Variants in TRPS1 observed in about 807,000 individuals in gnomAD.
TRPS1 encodes the protein zinc finger transcription factor Trps1.
A neutral mutation model predicts 101.2 loss-of-function variants in TRPS1; 6 were observed. The ratio of observed to expected loss-of-function variants is 0.06; its 90% CI spans 0.03 to 0.12. TRPS1 has a LOEUF of 0.12. TRPS1 is among the 10% of genes least tolerant of loss of function. The pLI is 1.00. For missense variants in TRPS1, 1,363 were observed against 1,567.0 expected (o/e 0.87, Z 2.20); for synonymous variants, 578 against 589.8 (o/e 0.98, Z 0.29).
At chr8:115,510,656 C>T (rs1272084162) in intron 5 of TRPS1, among the ~76,000 whole-genome samples, 3 of 151,856 alleles carry the variant, frequency 2.0e-5, no homozygotes, top group Non-Finnish European at 2.9e-5. Context: ...CTTGGCTTTT[C>T]CCAATGTATT....
At chr8:115,516,779 A>G (rs1235295797) in intron 5 of TRPS1, among the ~76,000 whole-genome samples, 3 of 151,532 alleles carry the variant, frequency 2.0e-5, no homozygotes, top group Admixed American at 1.3e-4. Context: ...GTATGAATAA[A>G]GTCTCTTGAG....
intron 5 of TRPS1, among the ~76,000 whole-genome samples, chr8:115,522,706 C>T (rs775676284): frequency 6.6e-6 from 1 of 152,034 alleles, no homozygotes; most frequent in African/African-American, 2.4e-5. Flanking sequence ...TTTGCCACTA[C>T]ATATTATGTT....
chr8:115,583,459 T>C (rs1261359150), intron 5 of TRPS1, among the ~76,000 whole-genome samples: 1 of 152,134 alleles, frequency 6.6e-6, no homozygotes, highest in East Asian at 1.9e-4. Flanking sequence ...ACACTGGGTT[T>C]TCAAAATATT....
intron 5 of TRPS1, among the ~76,000 whole-genome samples, chr8:115,495,440 A>C (rs1815125556): frequency 6.6e-6 from 1 of 150,854 alleles, no homozygotes. Flanking sequence ...GAGAAGCCAA[A>C]TTATGGCAGA....
At chr8:115,524,962 T>C (rs918186596) in intron 5 of TRPS1, among the ~76,000 whole-genome samples, 1 of 152,204 alleles carries the variant, frequency 6.6e-6, no homozygotes, top group African/African-American at 2.4e-5. Flanking sequence ...TGGCTGCTAA[T>C]GAAGGAGTCA....
At chr8:115,489,102 C>T (rs1443109278) in intron 5 of TRPS1, among the ~76,000 whole-genome samples, 1 of 152,288 alleles carries the variant, frequency 6.6e-6, no homozygotes, top group Non-Finnish European at 1.5e-5. Flanking sequence ...CCTCCACATC[C>T]TGCCCCCATT....
intron 5 of TRPS1, among the ~76,000 whole-genome samples, chr8:115,461,708 C>T (rs1814184205): frequency 6.6e-6 from 1 of 152,100 alleles, no homozygotes; most frequent in African/African-American, 2.4e-5. Context: ...ATGAAGTTTT[C>T]TTTCTGAGTT....
intron 5 of TRPS1, among the ~76,000 whole-genome samples, chr8:115,465,946 C>G (rs1461329206): frequency 6.6e-6 from 1 of 152,086 alleles, no homozygotes. Context: ...TAGAGATTCA[C>G]TGCTTGTCAA....
Position 115,619,561 on chromosome 8 carries a change from T to C in TRPS1, c.537A>G (p.Gln179=). Residue 179 remains glutamine (Q), a synonymous_variant, in exon 3 of 7, where the codon CAA becomes CAG. Transcript: ENST00000395715. The part of the protein sequence containing the change: ...MSPKATEETG[Q]AQSGQANCQG... ...GACAATTGGCTTGACCACTCTGTGC[T>C]TGCCCTGTTTCCTCTGTAGCCTTTG... 2 of 1,614,196 alleles carry C rather than the reference T, an allele frequency of 1.2e-6. No homozygotes were observed. Among genetic ancestry groups the C allele is most frequent in the Non-Finnish European group, 1.7e-6 (2 of 1,180,020 alleles).
At chr8:115,541,505 T>C (rs1816453433) in intron 5 of TRPS1, among the ~76,000 whole-genome samples, 1 of 152,214 alleles carries the variant, frequency 6.6e-6, no homozygotes, top group Non-Finnish European at 1.5e-5. Flanking sequence ...ACTTCCAAAC[T>C]TATATCCATA....
chr8:115,575,048 G>A (rs527340812), intron 5 of TRPS1, among the ~76,000 whole-genome samples: 2 of 152,210 alleles, frequency 1.3e-5, no homozygotes, highest in African/African-American at 4.8e-5. Flanking sequence ...AGTGACCTAT[G>A]CTTGCCAATA....
chr8:115,574,430 C>T (rs960056653), intron 5 of TRPS1, among the ~76,000 whole-genome samples: 2 of 152,042 alleles, frequency 1.3e-5, no homozygotes, highest in African/African-American at 4.8e-5. Flanking sequence ...TCATGAACTA[C>T]CAAATATAAT....
chr8:115,564,947 A>G (rs1272377998), intron 5 of TRPS1, among the ~76,000 whole-genome samples: 1 of 152,138 alleles, frequency 6.6e-6, no homozygotes, highest in Non-Finnish European at 1.5e-5. Context: ...GTCATTAAAA[A>G]GCCAAACACG....
intron 5 of TRPS1, among the ~76,000 whole-genome samples, chr8:115,488,178 T>C (rs1814933518): frequency 2.6e-5 from 4 of 152,178 alleles, no homozygotes; most frequent in African/African-American, 9.7e-5. Flanking sequence ...CAATAAACAT[T>C]TTTAGCAATA....
intron 5 of TRPS1, among the ~76,000 whole-genome samples, chr8:115,580,245 A>AATAT (rs1554591593): frequency 0.021 from 2,972 of 139,766 alleles, 88 homozygotes; most frequent in African/African-American, 0.053. Flanking sequence ...AAAAAAAAAA[A>AATAT]ATATATATAT....
intron 1 of TRPS1, among the ~76,000 whole-genome samples, chr8:115,641,875 G>A (rs1031333006): frequency 9.4e-5 from 14 of 149,010 alleles, no homozygotes; most frequent in African/African-American, 3.1e-4. Context: ...ATGAGTCTCC[G>A]TCTCGAAAAC....
In TRPS1 at chr8:115,619,777, T is replaced by A. The variant is rs1234840854; in HGVS notation, c.321A>T (p.Gly107=). ...CATGCGGAAAGGAGGGAAAGTTTCCTCCCTTACTGGGGCTTTCATAATTGA... is the reference window on the plus strand; with the variant it reads ...CATGCGGAAAGGAGGGAAAGTTTCCACCCTTACTGGGGCTTTCATAATTGA... ...AGFNYESPSK[G]GNFPSFPHDE... The change falls in exon 3 of 7, where the codon GGA becomes GGT. Residue 107 remains glycine, a synonymous_variant. Transcript: ENST00000395715. 6.2e-6 allele frequency: 10 copies of A among 1,614,210 alleles called. No homozygotes were observed. The highest frequency in any genetic ancestry group is 8.5e-6 in the Non-Finnish European group (10 of 1,180,022).
chr8:115,639,699 C>A (rs1197427390), intron 1 of TRPS1, among the ~76,000 whole-genome samples: 3 of 151,754 alleles, frequency 2.0e-5, no homozygotes, highest in Non-Finnish European at 4.4e-5. Context: ...CGTGGTGGCA[C>A]ATGCCTGTAG....
intron 1 of TRPS1, among the ~76,000 whole-genome samples, chr8:115,629,612 T>A (rs557028542): frequency 6.6e-6 from 1 of 152,006 alleles, no homozygotes; most frequent in Non-Finnish European, 1.5e-5. Context: ...TATTATTTTA[T>A]AATAACTTAA....
Sources: allele counts gnomAD v4.1 joint callset (sites outside exome capture counted in the v4.1 genomes callset), GRCh38; gene constraint gnomAD v4.1.1; transcripts MANE v1.5; gene names NCBI Gene and HGNC (gene_info 2026-07-23, HGNC 2026-07-21).